Variants in ORC4 observed in about 807,000 individuals in gnomAD.
The protein encoded by ORC4 is origin recognition complex subunit 4.
ORC4 carries 55 observed loss-of-function variants against 63.9 expected under a neutral mutation model. The ratio of observed to expected loss-of-function variants is 0.86; its 90% confidence interval spans 0.69 to 1.08. The LOEUF (loss-of-function observed/expected upper bound fraction) is 1.08. Among genes scored for constraint, ORC4 ranks in the 50% least tolerant of loss-of-function variants. ORC4 has a pLI of 0.00. For synonymous variants in ORC4, 150 were observed against 168.5 expected, an observed-to-expected ratio of 0.89 and a Z score of 0.85; for missense variants, 511 against 504.4, an observed-to-expected ratio of 1.01 and a Z score of -0.13.
chr2:147,972,853 A>C (rs1690300441), intron 3 of ORC4, 24 bp from the exon 4 acceptor site: 1 of 1,452,054 alleles, frequency 6.9e-7, no homozygotes, highest in African/African-American at 1.4e-5. Context: ...AATAGGACAA[A>C]ATTTTAAAAA....
At chr2:147,957,519 G>A (rs935067722) in intron 6 of ORC4, among the ~76,000 whole-genome samples, 4 of 151,846 alleles carry the variant, frequency 2.6e-5, no homozygotes, top group Non-Finnish European at 5.9e-5. Flanking sequence ...AAATTATCAT[G>A]TTTTCCTTAG....
At position 147,955,257 on chromosome 2, in the gene ORC4, T is replaced by C. The variant is rs1232303779; in HGVS notation, c.436+90A>G. ...TTCTGTATTTTATGAGAGCTTTTTT[T>C]TTTGGCAAAAGCTTGTATTACCTTT... is the stretch of plus-strand genomic sequence containing the variant. On this transcript the variant is annotated intron_variant, in intron 7 of 13. Coordinates refer to ENST00000392857, the MANE Select transcript of ORC4 (RefSeq NM_181741.4). 6 of 825,368 alleles carry C rather than the reference T, an allele frequency of 7.3e-6. No homozygotes were observed. In the African/African-American group the frequency reaches 1.0e-4, roughly 14 times the overall value. 51.1% of individuals were successfully genotyped at this position (825,368 alleles called of 1,614,324 possible).
intron 11 of ORC4, 28 bp downstream of exon 11, chr2:147,939,112 A>T: frequency 7.4e-7 from 1 of 1,354,548 alleles, no homozygotes; most frequent in Non-Finnish European, 1.1e-6. Flanking sequence ...TAAAAACCAC[A>T]ATTTAAAAAA....
intron 1 of ORC4, among the ~76,000 whole-genome samples, chr2:148,015,531 G>T (rs1693226842): frequency 6.6e-6 from 1 of 151,878 alleles, no homozygotes. Flanking sequence ...AGCCAGGATG[G>T]TATCGATCTC....
intron 10 of ORC4, among the ~76,000 whole-genome samples, chr2:147,941,881 G>C (rs528783233): frequency 6.6e-6 from 1 of 152,048 alleles, no homozygotes; most frequent in Non-Finnish European, 1.5e-5. Flanking sequence ...TTTGACAATA[G>C]AAGAAAAGTA....
intron 4 of ORC4, among the ~76,000 whole-genome samples, chr2:147,961,751 A>C (rs1689603815): frequency 6.6e-6 from 1 of 152,226 alleles, no homozygotes; most frequent in African/African-American, 2.4e-5. Context: ...AGCAAAAAGT[A>C]GATAAACTGT....
intron 4 of ORC4, among the ~76,000 whole-genome samples, chr2:147,971,695 A>T (rs1690221018): frequency 6.6e-6 from 1 of 152,080 alleles, no homozygotes; most frequent in African/African-American, 2.4e-5. Flanking sequence ...ATGCAAAGAA[A>T]AACCATAATA....
chr2:147,948,070 TTC>T lies in ORC4; in HGVS notation c.741_742del (p.Lys248ValfsTer3), dbSNP rs1218234415. Reference sequence around the variant, plus strand: ...AGATACCTGAACATTTTCATTCCACTTCTCAGCAAAAACCTTGTCTGGAAACT... The same window carrying T: ...AGATACCTGAACATTTTCATTCCACTTCAGCAAAAACCTTGTCTGGAAACT... On this transcript the variant is annotated frameshift_variant, in exon 9 of 14. Transcript: ENST00000392857. LOFTEE classifies it high-confidence loss of function. The T allele has an allele frequency of 6.2e-7, 1 of 1,611,838 alleles. No individual in the cohort carries two copies. Among genetic ancestry groups the T allele is most frequent in the East Asian group, 2.2e-5 (1 of 44,710 alleles).
At chr2:148,008,415 T>A (rs1376606756) in intron 1 of ORC4, among the ~76,000 whole-genome samples, 1 of 152,206 alleles carries the variant, frequency 6.6e-6, no homozygotes, top group African/African-American at 2.4e-5. Flanking sequence ...AAAAGAAAGC[T>A]GTAAGGAAAT....
upstream of ORC4, chr2:148,020,739 C>G (rs985640860): frequency 1.3e-5 from 2 of 152,532 alleles, no homozygotes; most frequent in Non-Finnish European, 2.9e-5. Flanking sequence ...ACAACCACTC[C>G]CGGCATGCCC....
chr2:147,976,497 A>G (rs1690567045), intron 1 of ORC4, among the ~76,000 whole-genome samples: 1 of 152,106 alleles, frequency 6.6e-6, no homozygotes, highest in Admixed American at 6.6e-5. Context: ...CAATACCTCC[A>G]GGCCTGTATG....
chr2:147,997,978 CTGGACATAAT>C (rs1430562338), intron 1 of ORC4, among the ~76,000 whole-genome samples: 2 of 152,124 alleles, frequency 1.3e-5, no homozygotes, highest in African/African-American at 4.8e-5. Context: ...GTATAACATG[CTGGACATAAT>C]TAAAAAAACA....
In ORC4 at chr2:147,952,452, T is replaced by C; in HGVS notation, c.509A>G (p.Gln170Arg). ...GTCAAAAAGATTATAGAGAAGTGTT[T>C]GGTTTTTATGATGAGCAAAAAGATC... Reference protein sequence around the residue: ...EFDLFAHHKNQTLLYNLFDIS... With the variant: ...EFDLFAHHKNRTLLYNLFDIS... The change falls in exon 8 of 14, where the codon CAA (glutamine) becomes CGA (arginine). Residue 170 changes from glutamine to arginine, a missense_variant. By Grantham distance (43) the Gln-to-Arg change is conservative. Coordinates refer to ENST00000392857, the MANE Select transcript of ORC4 (RefSeq NM_181741.4). 6.2e-7 allele frequency: 1 copy of C among 1,611,020 alleles called. No individual in the cohort carries two copies. Among genetic ancestry groups the C allele is most frequent in the Non-Finnish European group, 8.5e-7 (1 of 1,177,282 alleles).
Position 147,952,544 on chromosome 2 carries a change from T to A in ORC4, c.437-20A>T. The A allele has an allele frequency of 6.4e-7, 1 of 1,567,740 alleles. No homozygotes were observed. Reference sequence around the variant, plus strand: ...GGTCACCTAAGATAAAATAAGAGCATTACATTAATAAGAAATTATATCCAC... The same window carrying A: ...GGTCACCTAAGATAAAATAAGAGCAATACATTAATAAGAAATTATATCCAC... On this transcript the variant is annotated intron_variant, in intron 7 of 13. Coordinates refer to ENST00000392857, the MANE Select transcript of ORC4 (RefSeq NM_181741.4).
chr2:147,975,506 G>GAAAAAAAAAAAAAGCAAAAAAAAAAAAAA (rs1690497392), intron 2 of ORC4, among the ~76,000 whole-genome samples: 1 of 143,704 alleles, frequency 7.0e-6, no homozygotes. Context: ...CAAGAAAAGG[G>GAAAAAAAAAAAAAGCAAAAAAAAAAAAAA]AAAAAAAAAA....
chr2:147,990,549 T>C (rs1003264481), intron 1 of ORC4, among the ~76,000 whole-genome samples: 5 of 152,232 alleles, frequency 3.3e-5, no homozygotes, highest in African/African-American at 1.2e-4. Context: ...AGCTCAAAAA[T>C]GCTATCTATA....
In ORC4 at chr2:147,930,577, C is replaced by A. The variant is rs1026070627; in HGVS notation, c.*4933G>T. On this transcript the variant is annotated 3_prime_UTR_variant, in exon 14 of 14. Transcript: ENST00000392857. ...TTTTTTATGCAGTCTCAACCCATATCCCATTTGTTACCTCTCAGAATATTG... is the reference window on the plus strand; with the variant it reads ...TTTTTTATGCAGTCTCAACCCATATACCATTTGTTACCTCTCAGAATATTG... 6.6e-6 allele frequency: 1 copy of A among 152,366 alleles called. No homozygotes were observed. The allele number at this position is 152,366 out of a possible 1,614,324, so 9.4% of individuals were successfully genotyped here.
chr2:148,005,131 C>T (rs1573890097), intron 1 of ORC4, among the ~76,000 whole-genome samples: 1 of 152,092 alleles, frequency 6.6e-6, no homozygotes. Flanking sequence ...GCACTGTTCA[C>T]AATAGCAAAG....
chr2:148,021,486 G>A (rs1693724507), upstream of ORC4: 1 of 577,160 alleles, frequency 1.7e-6, no homozygotes, highest in South Asian at 1.5e-5. Context: ...TGCTGTTGCT[G>A]CTGCTGCTGC....
Sources: gnomAD v4.1 joint callset for allele counts (sites outside exome capture counted in the v4.1 genomes callset) on GRCh38, gnomAD v4.1.1 for gene constraint, MANE v1.5 for transcripts, NCBI Gene and HGNC (gene_info 2026-07-23, HGNC 2026-07-21) for gene names.